Variants in SDK1 observed in about 807,000 individuals in gnomAD.
SDK1 encodes the protein protein sidekick-1.
Under a neutral mutation model 245.5 loss-of-function variants are expected in SDK1, and 157 were observed. The observed-to-expected ratio is 0.64, with a 90% CI of 0.56 to 0.73. SDK1 has a LOEUF of 0.73. Ranked by LOEUF, SDK1 falls within the 30% of genes least tolerant of loss-of-function variation. The pLI is 0.00. For missense variants in SDK1, 3,583 were observed against 3,002.3 expected (o/e 1.19, Z -4.52); for synonymous variants, 1,647 against 1,278.5 (o/e 1.29, Z -6.15).
At chr7:3,729,845 G>C (rs1017249490) in intron 4 of SDK1, among the ~76,000 whole-genome samples, 1 of 151,208 alleles carries the variant, frequency 6.6e-6, no homozygotes, top group Non-Finnish European at 1.5e-5. Flanking sequence ...CTCGGTTCTC[G>C]GCCTTTTGGC....
chr7:3,457,939 A>G (rs1780721047), intron 1 of SDK1, among the ~76,000 whole-genome samples: 3 of 152,222 alleles, frequency 2.0e-5, no homozygotes, highest in East Asian at 1.9e-4. Flanking sequence ...GGAAATGTCT[A>G]TATTTTACTC....
At chr7:4,240,825 G>C (rs985573943) in intron 42 of SDK1, among the ~76,000 whole-genome samples, 1 of 152,158 alleles carries the variant, frequency 6.6e-6, no homozygotes, top group African/African-American at 2.4e-5. Flanking sequence ...AGGAAGGGGA[G>C]AGAAACCCGG....
At chr7:3,646,749 G>C (rs534259281) in intron 4 of SDK1, among the ~76,000 whole-genome samples, 1 of 152,292 alleles carries the variant, frequency 6.6e-6, no homozygotes, top group East Asian at 1.9e-4. Flanking sequence ...GGATTAACCT[G>C]GGTTTGCATA....
chr7:3,701,459 G>T (rs1784737123), intron 4 of SDK1, among the ~76,000 whole-genome samples: 1 of 152,166 alleles, frequency 6.6e-6, no homozygotes, highest in Non-Finnish European at 1.5e-5. Flanking sequence ...TTCTAGTTGG[G>T]AGTGGTAGCA....
At chr7:3,402,242 AG>A (rs2128573748) in intron 1 of SDK1, among the ~76,000 whole-genome samples, 2 of 152,342 alleles carry the variant, frequency 1.3e-5, no homozygotes, top group East Asian at 3.9e-4. Context: ...TTCTTAGGAA[AG>A]GCTTTAATGA....
chr7:4,236,834 G>A (rs907448489), intron 41 of SDK1, among the ~76,000 whole-genome samples: 1 of 152,116 alleles, frequency 6.6e-6, no homozygotes, highest in Admixed American at 6.5e-5. Context: ...GGGTGTCCCA[G>A]CACCAGGAGA....
intron 16 of SDK1, among the ~76,000 whole-genome samples, chr7:4,012,600 T>C (rs1786077970): frequency 8.2e-6 from 1 of 121,468 alleles, no homozygotes; most frequent in African/African-American, 3.3e-5. Context: ...TTTGATGGAG[T>C]TTCTCTCTTG....
chr7:4,145,801 G>C lies in SDK1; in HGVS notation c.4308G>C (p.Gln1436His). ...TTVEVGATVR[Q>H]FTATDLAPES... ...TGGAGGTCGGCGCCACAGTGAGGCA[G>C]TTCACAGCCACCGACCTGGCCCCGG... Residue 1436 changes from glutamine to histidine, a missense_variant, in exon 29 of 45, where the codon CAG becomes CAC. By Grantham distance (24) the Gln-to-His change is conservative (BLOSUM62 0). Coordinates refer to ENST00000404826, the MANE Select transcript of SDK1 (RefSeq NM_152744.4). 6.2e-7 allele frequency: 1 copy of C among 1,613,924 alleles called. No homozygotes were observed. The highest frequency in any genetic ancestry group is 1.1e-5 in the South Asian group (1 of 91,068).
At position 3,875,148 on chromosome 7, in the gene SDK1, G is replaced by C. The variant is rs150382739; in HGVS notation, c.847+53565G>C. On this transcript the variant is annotated intron_variant, in intron 5 of 44. Coordinates refer to ENST00000404826, the MANE Select transcript of SDK1 (RefSeq NM_152744.4). ...GGTGTCTGTCCCAGATAAGCAAATG[G>C]TTGGGTCTGTTTCTCCCTGGAAATG... 1.4e-3 allele frequency among the ~76,000 whole-genome samples: 206 copies of C among 152,314 alleles called. 1 individual carries two copies. The highest frequency in any genetic ancestry group is 4.7e-3 in the African/African-American group (197 of 41,574).
chr7:3,973,934 C>T (rs1175646560), intron 12 of SDK1, among the ~76,000 whole-genome samples: 1 of 151,984 alleles, frequency 6.6e-6, no homozygotes, highest in Non-Finnish European at 1.5e-5. Context: ...GTAATCCCAG[C>T]AGTTTGGGAG....
intron 4 of SDK1, among the ~76,000 whole-genome samples, chr7:3,722,846 C>A (rs1029652798): frequency 6.6e-6 from 1 of 152,212 alleles, no homozygotes; most frequent in Non-Finnish European, 1.5e-5. Flanking sequence ...CATCTGACCA[C>A]TCCCCTCCTG....
At chr7:3,732,011 C>G (rs551765360) in intron 4 of SDK1, among the ~76,000 whole-genome samples, 5 of 152,140 alleles carry the variant, frequency 3.3e-5, no homozygotes, top group African/African-American at 7.2e-5. Context: ...AGGGTGGTCT[C>G]GATCTCCTGA....
chr7:3,532,444 C>A (rs777839181), intron 1 of SDK1, among the ~76,000 whole-genome samples: 6 of 152,138 alleles, frequency 3.9e-5, no homozygotes, highest in African/African-American at 1.2e-4. Context: ...ACTCCTGGTA[C>A]GTTAGGTCTC....
chr7:4,185,599 G>A (rs1369729798), intron 35 of SDK1, among the ~76,000 whole-genome samples: 2 of 152,048 alleles, frequency 1.3e-5, no homozygotes, highest in Non-Finnish European at 1.5e-5. Flanking sequence ...GCATCCACGC[G>A]AGCCCTTGGA....
chr7:3,777,437 T>C (rs1457170903), intron 4 of SDK1, among the ~76,000 whole-genome samples: 2 of 152,210 alleles, frequency 1.3e-5, no homozygotes, highest in African/African-American at 4.8e-5. Flanking sequence ...GCCGGTAGGA[T>C]GGTTGTCATT....
chr7:4,115,505 C>G (rs570692808), intron 25 of SDK1, among the ~76,000 whole-genome samples: 1 of 152,220 alleles, frequency 6.6e-6, no homozygotes, highest in African/African-American at 2.4e-5. Flanking sequence ...TGCTTCTCTT[C>G]TCTGACTCTC....
At chr7:3,588,323 T>C (rs1377908431) in intron 1 of SDK1, among the ~76,000 whole-genome samples, 1 of 152,202 alleles carries the variant, frequency 6.6e-6, no homozygotes, top group South Asian at 2.1e-4. Context: ...TCTGCAGATA[T>C]TTATTAAGTT....
intron 1 of SDK1, among the ~76,000 whole-genome samples, chr7:3,429,724 G>T (rs1398250456): frequency 6.6e-6 from 1 of 151,460 alleles, no homozygotes; most frequent in East Asian, 1.9e-4. Context: ...AGCCTCCTGA[G>T]TAGCTGGGAT....
chr7:3,338,001 G>A (rs940893356), intron 1 of SDK1: 2 of 155,718 alleles, frequency 1.3e-5, no homozygotes, highest in Non-Finnish European at 2.8e-5. Context: ...GTTATATTTG[G>A]TTGAAGCAAA....
Sources: allele counts gnomAD v4.1 joint callset (sites outside exome capture counted in the v4.1 genomes callset), GRCh38; gene constraint gnomAD v4.1.1; transcripts MANE v1.5; gene names NCBI Gene and HGNC (gene_info 2026-07-23, HGNC 2026-07-21).